The following UBE2E2 variants were observed in gnomAD, a reference collection of about 807,000 sequenced individuals.
The protein encoded by UBE2E2 is ubiquitin conjugating enzyme E2 E2, also known as ubiquitin-conjugating enzyme E2 E2.
UBE2E2 carries 6 observed loss-of-function variants against 24.7 expected under a neutral mutation model. The observed-to-expected ratio is 0.24, with a 90% CI of 0.13 to 0.48. The LOEUF is 0.48. Among genes scored for constraint, UBE2E2 ranks in the 20% least tolerant of loss-of-function variants. UBE2E2 has a pLI of 0.99. For missense variants in UBE2E2, 169 were observed against 245.0 expected, an observed-to-expected ratio of 0.69 and a Z score of 2.07; for synonymous variants, 104 against 83.6, an observed-to-expected ratio of 1.24 and a Z score of -1.33.
intron 3 of UBE2E2, among the ~76,000 whole-genome samples, chr3:23,419,523 C>T (rs1326144017): frequency 6.6e-6 from 1 of 152,132 alleles, no homozygotes; most frequent in Non-Finnish European, 1.5e-5. Context: ...GAGAAGTGAC[C>T]CACCAGAATT....
intron 3 of UBE2E2, among the ~76,000 whole-genome samples, chr3:23,457,566 C>A (rs1483360207): frequency 6.6e-6 from 1 of 152,100 alleles, no homozygotes; most frequent in African/African-American, 2.4e-5. Flanking sequence ...GCTCTGTCAC[C>A]AAGGCTGGAG....
At chr3:23,242,126 G>A (rs960460587) in intron 3 of UBE2E2, among the ~76,000 whole-genome samples, 1 of 151,988 alleles carries the variant, frequency 6.6e-6, no homozygotes, top group African/African-American at 2.4e-5. Context: ...GTGTTGCCCA[G>A]GCTGGTCTTG....
rs537016366 is a variant in UBE2E2 at position 23,301,461 on chromosome 3, G to T, written c.227+84149G>T. 2.0e-5 allele frequency among the ~76,000 whole-genome samples: 3 copies of T among 152,238 alleles called. No individual in the cohort carries two copies. In the South Asian group the frequency reaches 6.2e-4, roughly 32 times the overall value. On this transcript the variant is annotated intron_variant, in intron 3 of 5. Transcript: ENST00000396703. The stretch of plus-strand genomic sequence containing the variant: ...ATGGTGATGTACAGATGGGTTTTTG[G>T]TGTGGATGTCCTTTCTGTTTGTTAG...
intron 3 of UBE2E2, among the ~76,000 whole-genome samples, chr3:23,374,036 A>G (rs945416371): frequency 2.6e-5 from 4 of 152,222 alleles, no homozygotes; most frequent in East Asian, 1.9e-4. Context: ...AGGATGCTTA[A>G]TAGCACTGCC....
chr3:23,310,300 C>CCT (rs1553601601), intron 3 of UBE2E2, among the ~76,000 whole-genome samples: 2 of 144,092 alleles, frequency 1.4e-5, no homozygotes, highest in Admixed American at 6.9e-5. Context: ...AAAGGCATGC[C>CCT]TTTTTTTTTT....
intron 5 of UBE2E2, among the ~76,000 whole-genome samples, chr3:23,565,410 C>A (rs907062132): frequency 5.6e-5 from 4 of 71,206 alleles, no homozygotes; most frequent in Non-Finnish European, 1.1e-4. Flanking sequence ...TTGGAGATTT[C>A]TTTTGTATGT....
Position 23,302,451 on chromosome 3 carries a change from C to T in UBE2E2, c.227+85139C>T, listed in dbSNP as rs190422979. Among the ~76,000 whole-genome samples, 21 of 152,230 alleles carry T rather than the reference C, an allele frequency of 1.4e-4. No homozygotes were observed. In the East Asian group the frequency reaches 2.7e-3, roughly 20 times the overall value. ...TTTTTTATTCCTTTGGCAAAAACAC[C>T]GCACATTCTTAACAGCTGAGTTCCA... On this transcript the variant is annotated intron_variant, in intron 3 of 5. Coordinates refer to ENST00000396703, the MANE Select transcript of UBE2E2 (RefSeq NM_152653.4).
rs754851158 is a variant in UBE2E2, at chr3:23,532,650, A to G, written c.457A>G (p.Ile153Val). ...LKDNWSPALT[I>V]SKVLLSICSL... ...GGACAACTGGAGTCCGGCTTTAACT[A>G]TTTCTAAAGTTCTCCTCTCCATCTG... Residue 153 changes from isoleucine to valine, a missense_variant, in exon 5 of 6, where the codon ATT becomes GTT. Transcript: ENST00000396703. 9.5e-6 allele frequency: 15 copies of G among 1,572,076 alleles called. No homozygotes were observed. Among genetic ancestry groups the G allele is most frequent in the African/African-American group, 1.3e-5 (1 of 74,662 alleles).
At position 23,499,747 on chromosome 3, in the gene UBE2E2, A is replaced by T. The variant is rs746872939; in HGVS notation, c.360+7A>T. The T allele has an allele frequency of 1.9e-6, 3 of 1,607,858 alleles. No homozygotes were observed. Among genetic ancestry groups the T allele is most frequent in the Non-Finnish European group, 2.5e-6 (3 of 1,178,516 alleles). ...TCCGTTTAAACCCCCTAAGGTCAGTATGAAGTTTTCATTGATTTTTAGCAA... is the reference window on the plus strand; with the variant it reads ...TCCGTTTAAACCCCCTAAGGTCAGTTTGAAGTTTTCATTGATTTTTAGCAA... On this transcript the variant is annotated splice_region_variant and intron_variant, in intron 4 of 5. Transcript: ENST00000396703.
At chr3:23,543,547 TAA>T (rs34425323) in intron 5 of UBE2E2, among the ~76,000 whole-genome samples, 30 of 137,226 alleles carry the variant, frequency 2.2e-4, no homozygotes, top group Non-Finnish European at 2.5e-4. Flanking sequence ...AAAACACTGC[TAA>T]AAAAAAAAAA....
chr3:23,365,032 T>TAA (rs1224787549), intron 3 of UBE2E2, among the ~76,000 whole-genome samples: 1 of 152,150 alleles, frequency 6.6e-6, no homozygotes, highest in Admixed American at 6.5e-5. Flanking sequence ...CATGATCCTC[T>TAA]AAATAGATGC....
At chr3:23,283,677 C>T (rs566399241) in intron 3 of UBE2E2, among the ~76,000 whole-genome samples, 22 of 152,198 alleles carry the variant, frequency 1.4e-4, no homozygotes, top group Middle Eastern at 3.4e-3. Context: ...CGCTTGAGCC[C>T]GGGAAATCAA....
chr3:23,461,995 G>T (rs1274029670), intron 3 of UBE2E2, among the ~76,000 whole-genome samples: 1 of 152,018 alleles, frequency 6.6e-6, no homozygotes, highest in Non-Finnish European at 1.5e-5. Flanking sequence ...GTAAACTTGG[G>T]GGTGAGCTAA....
chr3:23,373,185 C>A (rs1448814609), intron 3 of UBE2E2, among the ~76,000 whole-genome samples: 1 of 152,172 alleles, frequency 6.6e-6, no homozygotes, highest in Non-Finnish European at 1.5e-5. Context: ...TAAAGACTCA[C>A]TACTCTTATG....
intron 3 of UBE2E2, among the ~76,000 whole-genome samples, chr3:23,217,862 T>TA (rs1696521265): frequency 6.6e-6 from 1 of 152,138 alleles, no homozygotes; most frequent in African/African-American, 2.4e-5. Flanking sequence ...GGTCAGTGTT[T>TA]ACTTTTAGGA....
At chr3:23,265,360 T>C (rs574797327) in intron 3 of UBE2E2, among the ~76,000 whole-genome samples, 1 of 152,188 alleles carries the variant, frequency 6.6e-6, no homozygotes, top group South Asian at 2.1e-4. Context: ...CATGGTAGTG[T>C]GGTTTAGCTT....
chr3:23,336,186 C>T (rs1695205264), intron 3 of UBE2E2, among the ~76,000 whole-genome samples: 1 of 151,898 alleles, frequency 6.6e-6, no homozygotes, highest in African/African-American at 2.4e-5. Context: ...TATGTTGGTT[C>T]AGGTTTCCTG....
intron 4 of UBE2E2, among the ~76,000 whole-genome samples, chr3:23,502,099 CAAAT>C (rs1044410507): frequency 6.6e-6 from 1 of 152,152 alleles, no homozygotes; most frequent in Non-Finnish European, 1.5e-5. Flanking sequence ...TTAAGTAAAA[CAAAT>C]ACTCTTATTA....
At chr3:23,550,637 C>A (rs1695620968) in intron 5 of UBE2E2, among the ~76,000 whole-genome samples, 1 of 152,170 alleles carries the variant, frequency 6.6e-6, no homozygotes, top group Non-Finnish European at 1.5e-5. Flanking sequence ...CAGATTTACA[C>A]TCCTACCTTA....
Sources: allele counts gnomAD v4.1 joint callset (sites outside exome capture counted in the v4.1 genomes callset), GRCh38; gene constraint gnomAD v4.1.1; transcripts MANE v1.5; gene names NCBI Gene and HGNC (gene_info 2026-07-23, HGNC 2026-07-21).